The following LSR variants were observed in gnomAD, a reference collection of about 807,000 sequenced individuals.
LSR encodes lipolysis stimulated lipoprotein receptor.
LSR carries 44 observed loss-of-function variants against 61.8 expected under a neutral mutation model. That is an observed-to-expected ratio of 0.71 (90% CI 0.56 to 0.91). The LOEUF (loss-of-function observed/expected upper bound fraction) is 0.91, where lower values mean the gene tolerates loss of function less well. Among genes scored for constraint, LSR ranks in the 40% least tolerant of loss-of-function variants. The pLI, the probability that LSR is intolerant of heterozygous loss-of-function variation, is 0.00. For missense variants in LSR, 911 were observed against 830.5 expected (o/e 1.10, Z -1.19); for synonymous variants, 397 against 350.6 (o/e 1.13, Z -1.48).
chr19:35,263,691 G>A (rs2065960591), intron 5 of LSR, among the ~76,000 whole-genome samples: 1 of 152,064 alleles, frequency 6.6e-6, no homozygotes, highest in Non-Finnish European at 1.5e-5. Flanking sequence ...TAGAGACAGG[G>A]TCTTGCTATG....
rs1368352258 is a variant in LSR at position 35,267,526 on chromosome 19, A to G, written c.1562A>G (p.His521Arg). 5.6e-6 allele frequency: 9 copies of G among 1,611,586 alleles called. No individual in the cohort carries two copies. The highest frequency in any genetic ancestry group is 7.6e-6 in the Non-Finnish European group (9 of 1,179,668). ...RPPADPRSHHHRTRDPRDNGS... is the reference protein window; with the variant it reads ...RPPADPRSHHRRTRDPRDNGS... ...CCTGCCGACCCCAGGTCCCACCACCACCGTACCCGGGACCCTCGGGACAAC... is the reference window on the plus strand; with the variant it reads ...CCTGCCGACCCCAGGTCCCACCACCGCCGTACCCGGGACCCTCGGGACAAC... Residue 521 changes from histidine (H) to arginine (R), a missense_variant, in exon 9 of 10, where the codon CAC (histidine) becomes CGC (arginine). Coordinates refer to ENST00000605618, the MANE Select transcript of LSR (RefSeq NM_205834.4).
rs2065909827 is a variant in LSR at position 35,260,273 on chromosome 19, T to C, written c.574+1209T>C. 2.7e-5 allele frequency among the ~76,000 whole-genome samples: 4 copies of C among 149,476 alleles called. No individual in the cohort carries two copies. In the Admixed American group the frequency reaches 2.7e-4, roughly 10 times the overall value. ...ATCTGTTGCTTAACATATTAGGAAT[T>C]AAAATGGGGAGATTTTCCTTTTTTT... On this transcript the variant is annotated intron_variant, in intron 3 of 9. Transcript: ENST00000605618.
intron 5 of LSR, 22 bp from the exon 6 acceptor site, chr19:35,266,337 C>G (rs765059507): frequency 1.9e-5 from 29 of 1,548,380 alleles, no homozygotes; most frequent in Non-Finnish European, 2.5e-5. Flanking sequence ...TCCCCCTTCT[C>G]CTGTTGATTG....
At position 35,259,194 on chromosome 19, in the gene LSR, C is replaced by T. The variant is rs752275417; in HGVS notation, c.574+130C>T. The stretch of plus-strand genomic sequence containing the variant: ...GCTCTGTCGCCTGCTCTGCTCTCCC[C>T]CAGGCTCTGCCAGTCACTTAGGCTC... On this transcript the variant is annotated intron_variant, in intron 3 of 9. Transcript: ENST00000605618. The T allele has an allele frequency of 3.9e-5, 46 of 1,182,578 alleles. No homozygotes were observed. In the African/African-American group the frequency reaches 6.9e-4, roughly 18 times the overall value. 73.3% of individuals were successfully genotyped at this position (1,182,578 alleles called of 1,614,324 possible). A position where few individuals can be genotyped will look rare whatever the true frequency, so the allele number is the denominator to read the frequency against.
Position 35,249,051 on chromosome 19 carries a change from G to A in LSR, c.29G>A (p.Arg10Lys). 1 of 1,585,034 alleles carries A rather than the reference G, an allele frequency of 6.3e-7. No homozygotes were observed. The highest frequency in any genetic ancestry group is 8.6e-7 in the Non-Finnish European group (1 of 1,166,494). Reference sequence around the variant, plus strand: ...GCGCTGTTGGCCGGCGGGCTCTCCAGAGGGCTGGGCTCCCACCCGGCCGCC... The same window carrying A: ...GCGCTGTTGGCCGGCGGGCTCTCCAAAGGGCTGGGCTCCCACCCGGCCGCC... MALLAGGLS[R>K]GLGSHPAAAG... The change falls in exon 1 of 10, where the codon AGA (arginine) becomes AAA (lysine). Residue 10 changes from arginine to lysine, a missense_variant. Coordinates refer to ENST00000605618, the MANE Select transcript of LSR (RefSeq NM_205834.4).
intron 3 of LSR, among the ~76,000 whole-genome samples, chr19:35,260,429 C>T (rs1599600785): frequency 1.3e-5 from 2 of 151,152 alleles, no homozygotes; most frequent in South Asian, 4.2e-4. Context: ...GTAGCTGGGA[C>T]TACAGGCACC....
chr19:35,266,876 C>G lies in LSR; in HGVS notation c.1053C>G (p.Asp351Glu). The change falls in exon 8 of 10, where the codon GAC (aspartate) becomes GAG (glutamate). Residue 351 changes from aspartate (D) to glutamate (E), a missense_variant. Physicochemically the swap from Asp to Glu is conservative, Grantham distance 45 (BLOSUM62 2). Coordinates refer to ENST00000605618, the MANE Select transcript of LSR (RefSeq NM_205834.4). ...SGYRIQASQQ[D>E]DSMRVLYYME... is the part of the protein sequence containing the mutation. ...ACAGGATTCAGGCCAGCCAGCAGGA[C>G]GACTCCATGCGGGTCCTGTACTACA... 1 of 1,612,334 alleles carries G rather than the reference C, an allele frequency of 6.2e-7. No homozygotes were observed. Among genetic ancestry groups the G allele is most frequent in the Non-Finnish European group, 8.5e-7 (1 of 1,179,262 alleles).
Position 35,267,234 on chromosome 19 carries a change from G to T in LSR, c.1270G>T (p.Asp424Tyr). ...GHSPRSPRGW[D>Y]QEPAREQAGG... ...CTCCCCCCGGAGTCCCAGGGGATGG[G>T]ACCAGGAGCCCGCCAGGGAGCAGGC... The change falls in exon 9 of 10, where the codon GAC (aspartate) becomes TAC (tyrosine). Residue 424 changes from aspartate to tyrosine, a missense_variant. By Grantham distance (160) the Asp-to-Tyr change is radical (BLOSUM62 -3). Transcript: ENST00000605618. 1 of 1,533,628 alleles carries T rather than the reference G, an allele frequency of 6.5e-7. No homozygotes were observed. Among genetic ancestry groups the T allele is most frequent in the South Asian group, 1.3e-5 (1 of 78,094 alleles).
intron 5 of LSR, chr19:35,264,577 G>C (rs2065972516): frequency 6.6e-6 from 1 of 152,250 alleles, no homozygotes; most frequent in Admixed American, 6.5e-5. Flanking sequence ...TTTCCTTCAG[G>C]AGGGTGTCTG....
chr19:35,249,058 G>A lies in LSR; in HGVS notation c.36G>A (p.Leu12=), dbSNP rs2065754695. 2 of 1,578,456 alleles carry A rather than the reference G, an allele frequency of 1.3e-6. No homozygotes were observed. Among genetic ancestry groups the A allele is most frequent in the African/African-American group, 2.7e-5 (2 of 74,064 alleles). Residue 12 remains leucine, a synonymous_variant, in exon 1 of 10, where the codon CTG becomes CTA. Transcript: ENST00000605618. ...ALLAGGLSRG[L]GSHPAAAGRD... is the part of the protein sequence containing the mutation. ...TGGCCGGCGGGCTCTCCAGAGGGCT[G>A]GGCTCCCACCCGGCCGCCGCAGGCC...
At chr19:35,267,006 G>A (rs202178155) in intron 8 of LSR, 39 bp downstream of exon 8, 3 of 1,585,710 alleles carry the variant, frequency 1.9e-6, no homozygotes, top group Non-Finnish European at 2.6e-6. Flanking sequence ...TTTTAAGGTG[G>A]GGGGGTGAAA....
chr19:35,250,807 T>G, intron 2 of LSR, 148 bp downstream of exon 2: 1 of 604,280 alleles, frequency 1.7e-6, no homozygotes, highest in Non-Finnish European at 2.7e-6. Flanking sequence ...TTTTTTTTTT[T>G]TTTTTGAAGA....
Position 35,267,420 on chromosome 19 carries a change from C to T in LSR, c.1456C>T (p.Leu486Phe). The T allele has an allele frequency of 2.5e-6, 4 of 1,610,634 alleles. No homozygotes were observed. Among genetic ancestry groups the T allele is most frequent in the Non-Finnish European group, 3.4e-6 (4 of 1,179,314 alleles). ...MPPRSRSRDD[L>F]YDQDDSRDFP... ...CCCGCGGAGCCGCAGCCGGGACGAC[C>T]TCTATGACCAAGACGACTCGAGGGA... The change falls in exon 9 of 10, where the codon CTC becomes TTC. Residue 486 changes from leucine (L) to phenylalanine (F), a missense_variant. By Grantham distance (22) the Leu-to-Phe change is conservative. Transcript: ENST00000605618.
intron 2 of LSR, among the ~76,000 whole-genome samples, chr19:35,254,271 T>C (rs575457616): frequency 6.6e-6 from 1 of 152,318 alleles, no homozygotes; most frequent in African/African-American, 2.4e-5. Flanking sequence ...TTTTTGTATC[T>C]TTTTGGTAGA....
In LSR at chr19:35,266,672, C is replaced by T; in HGVS notation, c.953-7C>T. 1 of 1,606,380 alleles carries T rather than the reference C, an allele frequency of 6.2e-7. No homozygotes were observed. The highest frequency in any genetic ancestry group is 8.5e-7 in the Non-Finnish European group (1 of 1,176,950). On this transcript the variant is annotated splice_polypyrimidine_tract_variant and splice_region_variant and intron_variant, in intron 6 of 9. Coordinates refer to ENST00000605618, the MANE Select transcript of LSR (RefSeq NM_205834.4). ...GTGCGCGGCCACTGACAGCCACTCT[C>T]CCCCAGCTGGTGGCCAAGGCTCCTA...
chr19:35,250,131 G>A (rs2065771511), intron 1 of LSR, among the ~76,000 whole-genome samples, 184 bp from the exon 2 acceptor site: 1 of 152,148 alleles, frequency 6.6e-6, no homozygotes, highest in South Asian at 2.1e-4. Context: ...TCAGCCCCAC[G>A]GGTCTATAAA....
In LSR at chr19:35,267,955, A is replaced by G; in HGVS notation, c.*96A>G. On this transcript the variant is annotated 3_prime_UTR_variant, in exon 10 of 10. Transcript: ENST00000605618. ...ACCCCTCCCGAGTCTAATAAAACGT[A>G]TAATCACAAGCTCTGGAGAGAACCA... The G allele has an allele frequency of 7.0e-7, 1 of 1,436,938 alleles. No homozygotes were observed. Among genetic ancestry groups the G allele is most frequent in the Non-Finnish European group, 9.7e-7 (1 of 1,026,894 alleles). 89.0% of individuals were successfully genotyped at this position (1,436,938 alleles called of 1,614,324 possible).
chr19:35,259,287 A>G, intron 3 of LSR: 1 of 473,462 alleles, frequency 2.1e-6, no homozygotes, highest in Non-Finnish European at 3.7e-6. Context: ...AGCCAAACTA[A>G]GAGAAGAGTG....
Position 35,267,661 on chromosome 19 carries a change from C to G in LSR, c.1697C>G (p.Ala566Gly). ...CCCCACAAGGAGGAGGAGGAAGAGG[C>G]CTACTACCCGCCCGCGCCGCCCCCG... is the stretch of plus-strand genomic sequence containing the variant. ...RRPHKEEEEE[A>G]YYPPAPPPYS... The change falls in exon 9 of 10, where the codon GCC becomes GGC. Residue 566 changes from alanine (A) to glycine (G), a missense_variant. Transcript: ENST00000605618. 1 of 1,607,070 alleles carries G rather than the reference C, an allele frequency of 6.2e-7. No individual in the cohort carries two copies. Among genetic ancestry groups the G allele is most frequent in the Non-Finnish European group, 8.5e-7 (1 of 1,177,406 alleles).
Sources: allele counts gnomAD v4.1 joint callset (sites outside exome capture counted in the v4.1 genomes callset), GRCh38; gene constraint gnomAD v4.1.1; transcripts MANE v1.5; gene names NCBI Gene and HGNC (gene_info 2026-07-23, HGNC 2026-07-21).